The following PRKDC variants were observed in gnomAD, a reference collection of about 807,000 sequenced individuals.
PRKDC encodes the protein protein kinase, DNA-activated, catalytic subunit, also known as DNA-dependent protein kinase catalytic subunit.
In PRKDC, 82 loss-of-function variants were observed where a neutral mutation model predicts 486.9. That is an observed-to-expected ratio of 0.17 (90% confidence interval 0.14 to 0.20). The LOEUF is 0.20. Among genes scored for constraint, PRKDC ranks in the 10% least tolerant of loss-of-function variants. The pLI, the probability that PRKDC is intolerant of heterozygous loss-of-function variation, is 1.00. For synonymous variants in PRKDC, 1,895 were observed against 1,837.0 expected, an observed-to-expected ratio of 1.03 and a Z score of -0.81; for missense variants, 4,504 against 5,038.2, an observed-to-expected ratio of 0.89 and a Z score of 3.21.
chr8:47,912,643 C>T, intron 24 of PRKDC, 81 bp from the exon 25 acceptor site: 1 of 1,363,734 alleles, frequency 7.3e-7, no homozygotes, highest in Non-Finnish European at 9.7e-7. Context: ...CTCAATTTAG[C>T]CTTTAAGAAG....
intron 59 of PRKDC, among the ~76,000 whole-genome samples, 195 bp from the exon 60 acceptor site, chr8:47,832,121 G>C (rs1353498368): frequency 6.6e-6 from 1 of 152,216 alleles, no homozygotes; most frequent in Non-Finnish European, 1.5e-5. Context: ...AGCGCTGAAC[G>C]GGCCAGGCCC....
intron 54 of PRKDC, among the ~76,000 whole-genome samples, chr8:47,843,812 G>T (rs989099809): frequency 1.3e-5 from 2 of 152,124 alleles, no homozygotes; most frequent in African/African-American, 4.8e-5. Context: ...CATAAGGAAA[G>T]AAAAAATAAA....
intron 19 of PRKDC, among the ~76,000 whole-genome samples, chr8:47,928,224 G>A (rs1051024295): frequency 1.4e-5 from 2 of 147,790 alleles, no homozygotes; most frequent in Non-Finnish European, 3.0e-5. Flanking sequence ...GTGCAATCTC[G>A]GCTCACTGCA....
At chr8:47,903,459 T>C (rs1271679880) in intron 26 of PRKDC, among the ~76,000 whole-genome samples, 1 of 152,246 alleles carries the variant, frequency 6.6e-6, no homozygotes, top group African/African-American at 2.4e-5. Context: ...CTTCCAGTTA[T>C]CTGCTACATA....
In PRKDC at chr8:47,852,867, T is replaced by C. The variant is rs1563767367; in HGVS notation, c.6894-83A>G. 5.4e-6 allele frequency: 5 copies of C among 923,580 alleles called. No individual in the cohort carries two copies. The Admixed American group carries it at 7.0e-5, about 13-fold the overall frequency. The allele number at this position is 923,580 out of a possible 1,614,324, so 57.2% of individuals were successfully genotyped here. ...ATATAAATGACAATTTTCCTTCTCA[T>C]GTCATATTGACAGCCTAAGTTGAGG... is the stretch of plus-strand genomic sequence containing the variant. On this transcript the variant is annotated intron_variant, in intron 51 of 85. Coordinates refer to ENST00000314191, the MANE Select transcript of PRKDC (RefSeq NM_006904.7).
At chr8:47,926,875 T>A in intron 21 of PRKDC, 1 of 193,314 alleles carries the variant, frequency 5.2e-6, no homozygotes. Flanking sequence ...ACTGATTTAT[T>A]CAACAAGTTT....
intron 69 of PRKDC, among the ~76,000 whole-genome samples, chr8:47,803,681 G>C (rs1227858114): frequency 6.6e-6 from 1 of 152,160 alleles, no homozygotes; most frequent in African/African-American, 2.4e-5. Context: ...CAGGTTTAGT[G>C]GCTCAGGCCT....
chr8:47,936,163 T>A (rs913623292), intron 12 of PRKDC, among the ~76,000 whole-genome samples, 190 bp downstream of exon 12: 1 of 152,030 alleles, frequency 6.6e-6, no homozygotes, highest in Admixed American at 6.6e-5. Flanking sequence ...GAGAAACAAA[T>A]ATTTTTTTCC....
At chr8:47,823,031 G>A (rs1254012640) in intron 64 of PRKDC, among the ~76,000 whole-genome samples, 1 of 151,968 alleles carries the variant, frequency 6.6e-6, no homozygotes, top group African/African-American at 2.4e-5. Flanking sequence ...TTGGATCAAT[G>A]GGGGGCAGAT....
chr8:47,791,731 G>T (rs879621196), intron 74 of PRKDC, among the ~76,000 whole-genome samples: 13 of 152,074 alleles, frequency 8.5e-5, no homozygotes, highest in Admixed American at 6.5e-4. Context: ...GTAGAGAGAG[G>T]AACCCTTGTA....
rs762714118 is a variant in PRKDC, at chr8:47,876,492, T to C, written c.5363+1232A>G. Among the ~76,000 whole-genome samples, 7 of 151,980 alleles carry C rather than the reference T, an allele frequency of 4.6e-5. No homozygotes were observed. The East Asian group carries it at 1.4e-3, about 29-fold the overall frequency. ...GCCTGGCCAACATGGTGAGACCCCG[T>C]CTCTACTAAAAATACAAAAATTAGC... On this transcript the variant is annotated intron_variant, in intron 40 of 85. Transcript: ENST00000314191.
rs1370284661 is a variant in PRKDC, at chr8:47,874,354, CATT to C, written c.5363+3367_5363+3369del. On this transcript the variant is annotated intron_variant, in intron 40 of 85. Coordinates refer to ENST00000314191, the MANE Select transcript of PRKDC (RefSeq NM_006904.7). ...CTTCAGTCACCCTGACCTGATTACA[CATT>C]ATACACCTGTATCAAAGTGTGATTA... Among the ~76,000 whole-genome samples the C allele has an allele frequency of 3.3e-5, 5 of 152,178 alleles. No individual in the cohort carries two copies. In the East Asian group the frequency reaches 9.6e-4, roughly 29 times the overall value.
intron 74 of PRKDC, among the ~76,000 whole-genome samples, chr8:47,791,946 G>A (rs1195775340): frequency 6.6e-6 from 1 of 152,116 alleles, no homozygotes. Context: ...AGCAACCTAA[G>A]TGTCCATCAA....
At chr8:47,834,946 G>T (rs369348463) in intron 58 of PRKDC, among the ~76,000 whole-genome samples, 2,123 of 151,968 alleles carry the variant, frequency 0.014, 37 homozygotes, top group African/African-American at 0.04. Context: ...CGCCTCGGCC[G>T]CCCAAAGTGC....
chr8:47,882,586 G>GCACACACAGGTGTA (rs1233967743), intron 36 of PRKDC, among the ~76,000 whole-genome samples: 1 of 151,936 alleles, frequency 6.6e-6, no homozygotes, highest in Non-Finnish European at 1.5e-5. Flanking sequence ...GCACACACTA[G>GCACACACAGGTGTA]CACACACAGG....
At chr8:47,871,607 T>C (rs748372218) in intron 40 of PRKDC, among the ~76,000 whole-genome samples, 1 of 152,222 alleles carries the variant, frequency 6.6e-6, no homozygotes, top group Non-Finnish European at 1.5e-5. Flanking sequence ...TTGTTGTTTT[T>C]GTTTTTTTAA....
intron 71 of PRKDC, 118 bp downstream of exon 71, chr8:47,800,675 T>A (rs1420156580): frequency 5.8e-6 from 5 of 861,950 alleles, no homozygotes; most frequent in Non-Finnish European, 8.2e-6. Context: ...TGTGCATAAC[T>A]GTCAAATATA....
rs373694381 is a variant in PRKDC at position 47,782,625 on chromosome 8, G to A, written c.11176-27C>T. 1.7e-4 allele frequency: 259 copies of A among 1,548,244 alleles called. 1 individual carries two copies. The highest frequency in any genetic ancestry group is 8.3e-4 in the African/African-American group (61 of 73,200). On this transcript the variant is annotated intron_variant, in intron 78 of 85. Coordinates refer to ENST00000314191, the MANE Select transcript of PRKDC (RefSeq NM_006904.7). This position sits in a 1 kb window ranked among gnomAD's most constrained non-coding sequence, Gnocchi z 4.9. ...TTCAAAAATCAGAATGTCATCTCAG[G>A]GCACAGGCTAGCCACGTGTCAAACT...
intron 7 of PRKDC, 145 bp downstream of exon 7, chr8:47,953,475 C>A: frequency 1.3e-6 from 1 of 761,250 alleles, no homozygotes; most frequent in South Asian, 1.7e-5. Flanking sequence ...CAGGGGAACT[C>A]GGGAGGGCCC....
Sources: allele counts gnomAD v4.1 joint callset (sites outside exome capture counted in the v4.1 genomes callset), GRCh38; gene constraint gnomAD v4.1.1; non-coding constraint Gnocchi (gnomAD v3.1); transcripts MANE v1.5; gene names NCBI Gene and HGNC (gene_info 2026-07-23, HGNC 2026-07-21).